The following EMID1 variants were observed in gnomAD, a reference collection of about 807,000 sequenced individuals.
EMID1 encodes EMI domain containing 1, also known as EMI domain-containing protein 1.
Under a neutral mutation model 60.6 loss-of-function variants are expected in EMID1, and 40 were observed. The ratio of observed to expected loss-of-function variants is 0.66; its 90% CI spans 0.51 to 0.86. The LOEUF (loss-of-function observed/expected upper bound fraction) is 0.86, where lower values mean the gene tolerates loss of function less well. Among genes scored for constraint, EMID1 ranks in the 40% least tolerant of loss-of-function variants. The pLI is 0.00. For synonymous variants in EMID1, 242 were observed against 231.0 expected (o/e 1.05, Z -0.43); for missense variants, 585 against 597.1 (o/e 0.98, Z 0.21).
At chr22:29,209,362 T>G (rs1191056000) in intron 1 of EMID1, among the ~76,000 whole-genome samples, 1 of 151,874 alleles carries the variant, frequency 6.6e-6, no homozygotes, top group Non-Finnish European at 1.5e-5. Context: ...GTGCCGCCTC[T>G]TCCCAGCCCC....
chr22:29,254,240 T>G lies in EMID1; in HGVS notation c.1157T>G (p.Ile386Ser), dbSNP rs2041627986. Reference sequence around the variant, plus strand: ...CACCAGCTACGCGAGGCTTTGAAGATTTTAGCTGAGAGGGTTTTAATCTTG... The same window carrying G: ...CACCAGCTACGCGAGGCTTTGAAGAGTTTAGCTGAGAGGGTTTTAATCTTG... ...GLHQLREALKILAERVLILET... is the reference protein window; with the variant it reads ...GLHQLREALKSLAERVLILET... The change falls in exon 14 of 15, where the codon ATT becomes AGT. Residue 386 changes from isoleucine to serine, a missense_variant. Transcript: ENST00000334018. 1.2e-6 allele frequency: 2 copies of G among 1,613,964 alleles called. No individual in the cohort carries two copies. Among genetic ancestry groups the G allele is most frequent in the Middle Eastern group, 1.6e-4 (1 of 6,084 alleles).
chr22:29,228,275 G>A (rs868789669), intron 5 of EMID1, among the ~76,000 whole-genome samples: 44 of 151,684 alleles, frequency 2.9e-4, no homozygotes, highest in African/African-American at 2.2e-4. Context: ...GCAGTGAGCC[G>A]AGATTGCACC....
intron 6 of EMID1, 24 bp downstream of exon 6, chr22:29,231,164 C>A: frequency 6.3e-7 from 1 of 1,574,894 alleles, no homozygotes; most frequent in Non-Finnish European, 8.6e-7. Context: ...TCAGACTCCC[C>A]TGTGGGAATG....
At chr22:29,249,621 T>C (rs2041452296) in intron 13 of EMID1, among the ~76,000 whole-genome samples, 1 of 149,828 alleles carries the variant, frequency 6.7e-6, no homozygotes, top group Non-Finnish European at 1.5e-5. Flanking sequence ...TTTATTTATT[T>C]ATTTATTTTT....
intron 6 of EMID1, 143 bp from the exon 7 acceptor site, chr22:29,231,450 C>CT: frequency 1.1e-6 from 1 of 922,126 alleles, no homozygotes; most frequent in Non-Finnish European, 1.7e-6. Flanking sequence ...CTACCCCCCC[C>CT]ACCCCAGGGC....
intron 4 of EMID1, 61 bp from the exon 5 acceptor site, chr22:29,226,429 A>T: frequency 6.4e-7 from 1 of 1,556,152 alleles, no homozygotes; most frequent in Non-Finnish European, 8.7e-7. Flanking sequence ...CAGAGACTGA[A>T]GGGTTCTGAG....
At chr22:29,253,972 A>T (rs1385983592) in intron 13 of EMID1, 1 of 985,328 alleles carries the variant, frequency 1.0e-6, no homozygotes, top group Non-Finnish European at 1.2e-6. Context: ...GCCAGCTGGG[A>T]TCCAACGGGA....
intron 12 of EMID1, among the ~76,000 whole-genome samples, chr22:29,235,936 T>G (rs1028312763): frequency 6.6e-6 from 1 of 152,072 alleles, no homozygotes; most frequent in Non-Finnish European, 1.5e-5. Flanking sequence ...ACCACAGGCA[T>G]GTACCACCAT....
At chr22:29,214,877 AG>A in intron 1 of EMID1, 48 bp from the exon 2 acceptor site, 1 of 1,373,666 alleles carries the variant, frequency 7.3e-7, no homozygotes, top group South Asian at 1.5e-5. Flanking sequence ...AGTCCCCAGC[AG>A]GGGACCCTGT....
At chr22:29,223,340 G>A (rs1245753019) in intron 3 of EMID1, among the ~76,000 whole-genome samples, 1 of 152,234 alleles carries the variant, frequency 6.6e-6, no homozygotes, top group Non-Finnish European at 1.5e-5. Context: ...GGTGGGGGGA[G>A]CAGCCGAAGC....
At chr22:29,228,338 A>AT (rs1357869574) in intron 5 of EMID1, among the ~76,000 whole-genome samples, 1 of 152,126 alleles carries the variant, frequency 6.6e-6, no homozygotes, top group Non-Finnish European at 1.5e-5. Context: ...GAAAAAAAAA[A>AT]GTAATTAATT....
intron 3 of EMID1, 55 bp downstream of exon 3, chr22:29,215,685 C>A: frequency 7.1e-7 from 1 of 1,404,024 alleles, no homozygotes; most frequent in Non-Finnish European, 1.0e-6. Flanking sequence ...AGGTGCCTCC[C>A]TGCAGGTGCA....
In EMID1 at chr22:29,231,099, C is replaced by T; in HGVS notation, c.545C>T (p.Pro182Leu). 6.2e-7 allele frequency: 1 copy of T among 1,613,394 alleles called. No individual in the cohort carries two copies. Residue 182 changes from proline to leucine, a missense_variant, in exon 6 of 15, where the codon CCC becomes CTC. Transcript: ENST00000334018. Reference sequence around the variant, plus strand: ...GAGGACCCTGCCCCGCTCTGGGGTCCCCCTCCTGCCCAGGGCAGCCCCGGA... The same window carrying T: ...GAGGACCCTGCCCCGCTCTGGGGTCTCCCTCCTGCCCAGGGCAGCCCCGGA... ...TPEDPAPLWG[P>L]PPAQGSPGDG... is the part of the protein sequence containing the mutation.
At chr22:29,209,063 G>A (rs926164372) in intron 1 of EMID1, among the ~76,000 whole-genome samples, 2 of 152,106 alleles carry the variant, frequency 1.3e-5, no homozygotes, top group Non-Finnish European at 2.9e-5. Flanking sequence ...ACCCCTGCCC[G>A]CCCGGTCCTT....
At chr22:29,221,414 G>A (rs1022519928) in intron 3 of EMID1, among the ~76,000 whole-genome samples, 4 of 152,212 alleles carry the variant, frequency 2.6e-5, no homozygotes, top group South Asian at 2.1e-4. Context: ...TTGCTCTGTC[G>A]CCCAGGCTGG....
chr22:29,221,642 G>A (rs940505576), intron 3 of EMID1, among the ~76,000 whole-genome samples: 3 of 152,216 alleles, frequency 2.0e-5, no homozygotes, highest in African/African-American at 7.2e-5. Flanking sequence ...CCAAAGTGCT[G>A]GGATTACAGG....
At chr22:29,228,109 T>C (rs1320946706) in intron 5 of EMID1, among the ~76,000 whole-genome samples, 1 of 150,682 alleles carries the variant, frequency 6.6e-6, no homozygotes, top group South Asian at 2.1e-4. Flanking sequence ...TGAGCCGAGA[T>C]TGTGCCATTG....
In EMID1 at chr22:29,259,021, C is replaced by G; in HGVS notation, c.*77C>G. 6.5e-7 allele frequency: 1 copy of G among 1,538,886 alleles called. No individual in the cohort carries two copies. Among genetic ancestry groups the G allele is most frequent in the Non-Finnish European group, 8.7e-7 (1 of 1,145,268 alleles). ...GACTCGGCCAGCTGCCTCCAGGGACCGCCCGTCCATATTTATTAATGTCCT... is the reference window on the plus strand; with the variant it reads ...GACTCGGCCAGCTGCCTCCAGGGACGGCCCGTCCATATTTATTAATGTCCT... On this transcript the variant is annotated 3_prime_UTR_variant, in exon 15 of 15. Transcript: ENST00000334018.
chr22:29,234,392 C>A, intron 12 of EMID1, 43 bp downstream of exon 12: 1 of 1,602,216 alleles, frequency 6.2e-7, no homozygotes, highest in South Asian at 1.1e-5. Flanking sequence ...TGCAGGATCC[C>A]TTAGTCCCAG....
Sources: gnomAD v4.1 joint callset for allele counts (sites outside exome capture counted in the v4.1 genomes callset) on GRCh38, gnomAD v4.1.1 for gene constraint, MANE v1.5 for transcripts, NCBI Gene and HGNC (gene_info 2026-07-23, HGNC 2026-07-21) for gene names.